The following PHLPP1 variants were observed in gnomAD, a reference collection of about 807,000 sequenced individuals.
PHLPP1 encodes the protein PH domain and leucine rich repeat protein phosphatase 1, also known as PH domain leucine-rich repeat-containing protein phosphatase 1.
PHLPP1 carries 42 observed loss-of-function variants against 117.2 expected under a neutral mutation model. The observed-to-expected ratio is 0.36, with a 90% CI of 0.28 to 0.46. The LOEUF is 0.46. PHLPP1 is among the 20% of genes least tolerant of loss of function. The pLI, the probability that PHLPP1 is intolerant of heterozygous loss-of-function variation, is 1.00. For synonymous variants in PHLPP1, 1,042 were observed against 970.7 expected, an observed-to-expected ratio of 1.07 and a Z score of -1.37; for missense variants, 2,084 against 2,241.9, an observed-to-expected ratio of 0.93 and a Z score of 1.42.
chr18:62,733,852 T>G (rs1911294009), intron 1 of PHLPP1, among the ~76,000 whole-genome samples: 1 of 152,184 alleles, frequency 6.6e-6, no homozygotes, highest in African/African-American at 2.4e-5. Flanking sequence ...CTCTAAATTA[T>G]TGGTTCCAGA....
intron 3 of PHLPP1, among the ~76,000 whole-genome samples, chr18:62,856,036 A>G (rs929770278): frequency 6.6e-6 from 1 of 152,168 alleles, no homozygotes; most frequent in Non-Finnish European, 1.5e-5. Flanking sequence ...AGAAAATTCC[A>G]TGGTACAGTA....
chr18:62,848,455 ATTTTTTTTTTT>A (rs56223512), intron 3 of PHLPP1, among the ~76,000 whole-genome samples: 8 of 88,518 alleles, frequency 9.0e-5, no homozygotes, highest in East Asian at 3.5e-4. Flanking sequence ...TTTTTTGTTG[ATTTTTTTTTTT>A]TTTTTTTTTT....
chr18:62,837,460 C>T lies in PHLPP1; in HGVS notation c.1774-1324C>T, dbSNP rs192718310. On this transcript the variant is annotated intron_variant, in intron 2 of 16. Coordinates refer to ENST00000262719, the MANE Select transcript of PHLPP1 (RefSeq NM_194449.4). The stretch of plus-strand genomic sequence containing the variant: ...AATTGTTAATATTATTTATAAGTGT[C>T]TCTGCTCTCTTTTTCTTGCCAGAGG... 3.7e-4 allele frequency among the ~76,000 whole-genome samples: 56 copies of T among 152,166 alleles called. 1 individual carries two copies. In the East Asian group the frequency reaches 0.01, roughly 28 times the overall value.
intron 2 of PHLPP1, among the ~76,000 whole-genome samples, chr18:62,833,976 G>T (rs1237998379): frequency 2.6e-5 from 4 of 152,092 alleles, no homozygotes; most frequent in Non-Finnish European, 5.9e-5. Flanking sequence ...TCAGATGATT[G>T]AACAGTGAAC....
At chr18:62,924,523 T>A (rs1909565941) in intron 10 of PHLPP1, among the ~76,000 whole-genome samples, 2 of 151,898 alleles carry the variant, frequency 1.3e-5, no homozygotes, top group South Asian at 4.2e-4. Context: ...TAGTTTTAAT[T>A]ACGTGATACT....
chr18:62,871,301 C>T (rs1915893858), intron 4 of PHLPP1, among the ~76,000 whole-genome samples: 1 of 152,016 alleles, frequency 6.6e-6, no homozygotes, highest in African/African-American at 2.4e-5. Flanking sequence ...CTGGTAAATT[C>T]AAATTTAGCT....
At chr18:62,858,784 ATT>A (rs1011757400) in intron 3 of PHLPP1, among the ~76,000 whole-genome samples, 5 of 151,912 alleles carry the variant, frequency 3.3e-5, no homozygotes, top group African/African-American at 1.2e-4. Context: ...ATCTAAAAAT[ATT>A]TTTTTTAATA....
chr18:62,788,730 G>A (rs1913371707), intron 1 of PHLPP1, among the ~76,000 whole-genome samples: 1 of 152,034 alleles, frequency 6.6e-6, no homozygotes, highest in African/African-American at 2.4e-5. Context: ...TGTCTTTTTG[G>A]TACTGGTTGG....
intron 1 of PHLPP1, among the ~76,000 whole-genome samples, chr18:62,737,872 A>G (rs2122068808): frequency 6.6e-6 from 1 of 152,298 alleles, no homozygotes; most frequent in East Asian, 1.9e-4. Context: ...TTTACAATGT[A>G]GAATTGTTGG....
chr18:62,879,284 TGGGATGACACAGCAAGAA>T (rs1412523289), intron 4 of PHLPP1, among the ~76,000 whole-genome samples: 1 of 152,192 alleles, frequency 6.6e-6, no homozygotes, highest in Non-Finnish European at 1.5e-5. Context: ...TCTTCTGCCA[TGGGATGACACAGCAAGAA>T]GGCCCTCAAC....
chr18:62,748,499 G>C (rs367723793), intron 1 of PHLPP1, among the ~76,000 whole-genome samples: 1 of 152,116 alleles, frequency 6.6e-6, no homozygotes, highest in African/African-American at 2.4e-5. Flanking sequence ...TGCCGGCCTT[G>C]GCCACCAAAG....
intron 1 of PHLPP1, among the ~76,000 whole-genome samples, chr18:62,763,158 G>A (rs1912315114): frequency 6.6e-6 from 1 of 152,120 alleles, no homozygotes; most frequent in Non-Finnish European, 1.5e-5. Flanking sequence ...CTCCCTCCGG[G>A]CTATGCATGA....
intron 1 of PHLPP1, among the ~76,000 whole-genome samples, chr18:62,786,558 A>G (rs1913291067): frequency 6.6e-6 from 1 of 152,204 alleles, no homozygotes; most frequent in Non-Finnish European, 1.5e-5. Context: ...GCTTTTTGCA[A>G]CAAACTTTTC....
At chr18:62,867,805 T>G (rs1405723813) in intron 4 of PHLPP1, among the ~76,000 whole-genome samples, 1 of 151,766 alleles carries the variant, frequency 6.6e-6, no homozygotes, top group Non-Finnish European at 1.5e-5. Context: ...AATCTCAAGG[T>G]TTAGTATGTG....
At chr18:62,948,329 A>G (rs1032522039) in intron 12 of PHLPP1, among the ~76,000 whole-genome samples, 6 of 152,202 alleles carry the variant, frequency 3.9e-5, no homozygotes, top group African/African-American at 1.4e-4. Flanking sequence ...CATCTCAAAA[A>G]AAAAAGAAAT....
intron 12 of PHLPP1, among the ~76,000 whole-genome samples, chr18:62,948,169 A>G (rs1910354374): frequency 6.6e-6 from 1 of 152,064 alleles, no homozygotes; most frequent in Admixed American, 6.5e-5. Flanking sequence ...TACTAAAAAT[A>G]CAAAAATTAG....
At chr18:62,955,685 A>G (rs1398766872) in intron 12 of PHLPP1, among the ~76,000 whole-genome samples, 2 of 152,228 alleles carry the variant, frequency 1.3e-5, no homozygotes, top group African/African-American at 4.8e-5. Context: ...TCATTTCATA[A>G]TTTGATAATT....
chr18:62,717,352 G>A, intron 1 of PHLPP1, 93 bp downstream of exon 1: 4 of 1,479,440 alleles, frequency 2.7e-6, no homozygotes, highest in Non-Finnish European at 3.6e-6. Context: ...CAACCCAAGA[G>A]TAAGTGCGGG....
chr18:62,970,095 T>C (rs1025617762), intron 14 of PHLPP1, among the ~76,000 whole-genome samples: 1 of 152,218 alleles, frequency 6.6e-6, no homozygotes, highest in Non-Finnish European at 1.5e-5. Flanking sequence ...CTTTATTTAT[T>C]CTTATTCTAC....
Sources: allele counts gnomAD v4.1 joint callset (sites outside exome capture counted in the v4.1 genomes callset), GRCh38; gene constraint gnomAD v4.1.1; transcripts MANE v1.5; gene names NCBI Gene and HGNC (gene_info 2026-07-23, HGNC 2026-07-21).